Variants in TEKTIP1 observed in about 807,000 individuals in gnomAD.
TEKTIP1 encodes tektin bundle interacting protein 1, also known as tektin bundle-interacting protein 1.
At chr19:3,539,403 G>A in the TEKTIP1 span, 17 of 608,256 alleles carry the variant, frequency 2.8e-5, no homozygotes, top group South Asian at 2.9e-4. Context: ...GTCCCCTCCA[G>A]CTCTTCCTGT....
chr19:3,543,480 GCCCC>G, the TEKTIP1 span: 1 of 1,337,302 alleles, frequency 7.5e-7, no homozygotes. Flanking sequence ...TCGGGTGAGT[GCCCC>G]CCCCCCCGCC....
chr19:3,542,933 C>T, the TEKTIP1 span: 3 of 1,470,526 alleles, frequency 2.0e-6, no homozygotes, highest in South Asian at 2.2e-5. Context: ...CAGGAGTAGC[C>T]AGGGCCCTTG....
the TEKTIP1 span, chr19:3,543,114 G>A: frequency 2.6e-6 from 4 of 1,524,514 alleles, no homozygotes; most frequent in African/African-American, 1.4e-5. Context: ...CAAGTGGCGA[G>A]GGAGGGAGAC....
At chr19:3,543,701 G>A in the TEKTIP1 span, 4 of 1,509,176 alleles carry the variant, frequency 2.7e-6, no homozygotes, top group Admixed American at 2.1e-5. Flanking sequence ...GTGCAGGGTG[G>A]GTCCTTGGGA....
the TEKTIP1 span, among the ~76,000 whole-genome samples, chr19:3,540,413 A>G: frequency 6.6e-6 from 1 of 151,580 alleles, no homozygotes; most frequent in Non-Finnish European, 1.5e-5. Flanking sequence ...ATGCGCTACC[A>G]TGCCCAGCTA....
At chr19:3,541,730 C>T in the TEKTIP1 span, 1 of 985,314 alleles carries the variant, frequency 1.0e-6, no homozygotes. Context: ...GGAGGAAACA[C>T]CAGAAAGTAG....
At chr19:3,542,077 T>C in the TEKTIP1 span, 1 of 973,410 alleles carries the variant, frequency 1.0e-6, no homozygotes. Context: ...CCCAAAGTGC[T>C]GGGATTACAG....
chr19:3,543,612 A>C, the TEKTIP1 span: 25 of 1,544,664 alleles, frequency 1.6e-5, no homozygotes, highest in Non-Finnish European at 2.1e-5. Context: ...CCTGCCCAGT[A>C]CCAGGCCCCC....
the TEKTIP1 span, chr19:3,543,910 C>T: frequency 2.1e-4 from 327 of 1,551,136 alleles, 1 homozygote; most frequent in East Asian, 2.0e-3. Flanking sequence ...CCCCAGCGCC[C>T]GCCCGGCACC....
At chr19:3,541,381 G>A in the TEKTIP1 span, among the ~76,000 whole-genome samples, 4 of 150,916 alleles carry the variant, frequency 2.7e-5, no homozygotes, top group East Asian at 2.0e-4. Context: ...GGAGTGCAGT[G>A]GAATGATCTC....
the TEKTIP1 span, among the ~76,000 whole-genome samples, chr19:3,540,360 CGA>C: frequency 3.3e-5 from 5 of 151,584 alleles, no homozygotes; most frequent in Non-Finnish European, 7.4e-5. Context: ...CTGGTTCGAG[CGA>C]TTCTCCTGCC....
chr19:3,542,858 C>A, the TEKTIP1 span: 1 of 1,384,852 alleles, frequency 7.2e-7, no homozygotes. Flanking sequence ...CACCTCCAGG[C>A]CAGGGGGGCT....
the TEKTIP1 span, chr19:3,543,816 G>C: frequency 7.0e-5 from 105 of 1,510,724 alleles, no homozygotes; most frequent in Middle Eastern, 1.1e-3. Flanking sequence ...GGTGACCCGA[G>C]TCCCACCTAC....
the TEKTIP1 span, chr19:3,539,399 T>C: frequency 1.7e-6 from 1 of 605,650 alleles, no homozygotes; most frequent in Non-Finnish European, 3.0e-6. Flanking sequence ...TGACGTCCCC[T>C]CCAGCTCTTC....
At chr19:3,540,333 C>T in the TEKTIP1 span, among the ~76,000 whole-genome samples, 3 of 151,742 alleles carry the variant, frequency 2.0e-5, no homozygotes, top group African/African-American at 7.3e-5. Flanking sequence ...TCTTGGCTCA[C>T]TGCAACCTCC....
chr19:3,542,343 T>C, the TEKTIP1 span: 2 of 985,410 alleles, frequency 2.0e-6, no homozygotes, highest in Non-Finnish European at 2.4e-6. Context: ...AACCGGGCTT[T>C]CCGTGCAGGG....
chr19:3,540,337 A>G, the TEKTIP1 span, among the ~76,000 whole-genome samples: 3 of 151,230 alleles, frequency 2.0e-5, no homozygotes, highest in Admixed American at 1.3e-4. Context: ...GGCTCACTGC[A>G]ACCTCCAACT....
the TEKTIP1 span, chr19:3,543,696 G>C: frequency 3.3e-6 from 5 of 1,519,508 alleles, no homozygotes; most frequent in Non-Finnish European, 4.4e-6. Flanking sequence ...GCTAGGTGCA[G>C]GGTGGGTCCT....
the TEKTIP1 span, chr19:3,539,318 T>C: frequency 4.1e-5 from 32 of 789,432 alleles, no homozygotes; most frequent in Non-Finnish European, 5.5e-5. Flanking sequence ...CCTCCCTGGG[T>C]GTCAGGTTAC....
Sources: allele counts gnomAD v4.1 joint callset (sites outside exome capture counted in the v4.1 genomes callset), GRCh38; gene constraint gnomAD v4.1.1; transcripts MANE v1.5; gene names NCBI Gene and HGNC (gene_info 2026-07-23, HGNC 2026-07-21).